The following MYO5B variants were observed in gnomAD, a reference collection of about 807,000 sequenced individuals.
MYO5B encodes unconventional myosin-Vb.
Under a neutral mutation model 229.3 loss-of-function variants are expected in MYO5B, and 143 were observed. The ratio of observed to expected loss-of-function variants is 0.62; its 90% CI spans 0.54 to 0.72. MYO5B has a LOEUF of 0.72. MYO5B is among the 30% of genes least tolerant of loss of function. The pLI is 0.00. For missense variants in MYO5B, 2,321 were observed against 2,331.0 expected (o/e 1.00, Z 0.09); for synonymous variants, 918 against 885.2 (o/e 1.04, Z -0.66).
chr18:50,043,351 T>TTA (rs1598975674), intron 2 of MYO5B, among the ~76,000 whole-genome samples: 3 of 83,280 alleles, frequency 3.6e-5, no homozygotes, highest in East Asian at 3.4e-4. Flanking sequence ...ATATTATATA[T>TTA]AATATAAATA....
intron 4 of MYO5B, among the ~76,000 whole-genome samples, chr18:50,031,672 A>C (rs1049237088): frequency 2.7e-4 from 41 of 152,200 alleles, no homozygotes; most frequent in African/African-American, 9.7e-4. Context: ...GGAAATGTAC[A>C]GGAATATGGA....
intron 4 of MYO5B, among the ~76,000 whole-genome samples, chr18:50,014,953 T>C (rs986930792): frequency 8.5e-5 from 13 of 152,300 alleles, no homozygotes; most frequent in East Asian, 1.9e-4. Flanking sequence ...TGTGTCAAAA[T>C]AGACTCAACA....
At chr18:49,915,891 G>C (rs1248873850) in intron 17 of MYO5B, among the ~76,000 whole-genome samples, 3 of 152,176 alleles carry the variant, frequency 2.0e-5, no homozygotes, top group African/African-American at 7.2e-5. Flanking sequence ...TTTAAATATA[G>C]ACACTTATCT....
chr18:49,897,642 GT>G (rs1354843830), intron 21 of MYO5B, among the ~76,000 whole-genome samples: 1 of 152,144 alleles, frequency 6.6e-6, no homozygotes, highest in South Asian at 2.1e-4. Context: ...AGTTGTACAT[GT>G]TTGTGTTTTA....
rs528748137 is a variant in MYO5B, at chr18:49,887,628, T to C, written c.3046-7173A>G. ...CCAGCACTACACTTCCTGTACAGAC[T>C]ATAGAACTGTGAGTCAATTAGACAT... is the stretch of plus-strand genomic sequence containing the variant. On this transcript the variant is annotated intron_variant, in intron 22 of 39. Transcript: ENST00000285039. Among the ~76,000 whole-genome samples, 88 of 152,278 alleles carry C rather than the reference T, an allele frequency of 5.8e-4. 1 individual carries two copies. The highest frequency in any genetic ancestry group is 2.3e-3 in the South Asian group (11 of 4,824).
chr18:49,931,415 T>C (rs138997305), intron 16 of MYO5B, among the ~76,000 whole-genome samples: 1 of 152,152 alleles, frequency 6.6e-6, no homozygotes, highest in Non-Finnish European at 1.5e-5. Flanking sequence ...TCTTCCCGAC[T>C]CCTCCAGCTC....
intron 7 of MYO5B, among the ~76,000 whole-genome samples, chr18:49,985,772 G>A (rs1053671033): frequency 2.0e-5 from 3 of 152,106 alleles, no homozygotes; most frequent in Non-Finnish European, 4.4e-5. Flanking sequence ...TCTTTTCCCT[G>A]GACCTGAGCA....
At chr18:49,938,871 C>T (rs1039426792) in intron 14 of MYO5B, among the ~76,000 whole-genome samples, 6 of 151,510 alleles carry the variant, frequency 4.0e-5, no homozygotes, top group Non-Finnish European at 8.8e-5. Context: ...CTGCCCCTCC[C>T]GTGACCCTCT....
chr18:49,969,701 T>C (rs940075518), intron 10 of MYO5B: 1 of 152,176 alleles, frequency 6.6e-6, no homozygotes, highest in African/African-American at 2.4e-5. Flanking sequence ...TTTTTAAACA[T>C]ACCATTAAAG....
intron 5 of MYO5B, among the ~76,000 whole-genome samples, chr18:49,994,940 C>T (rs2025971305): frequency 6.6e-6 from 1 of 152,196 alleles, no homozygotes; most frequent in South Asian, 2.1e-4. Context: ...TCATTTAATG[C>T]TGCCAAGAAC....
intron 22 of MYO5B, among the ~76,000 whole-genome samples, chr18:49,893,841 G>A (rs1598862887): frequency 6.6e-6 from 1 of 152,202 alleles, no homozygotes; most frequent in Non-Finnish European, 1.5e-5. Flanking sequence ...AGCTGCATGT[G>A]AAGGCTCAGG....
chr18:50,153,583 G>A (rs1445311312), intron 1 of MYO5B, among the ~76,000 whole-genome samples: 3 of 152,144 alleles, frequency 2.0e-5, no homozygotes, highest in Non-Finnish European at 2.9e-5. Flanking sequence ...CAGAATAGCT[G>A]GGACTACAGG....
chr18:50,182,420 C>A (rs1348363113), intron 1 of MYO5B, among the ~76,000 whole-genome samples: 1 of 152,068 alleles, frequency 6.6e-6, no homozygotes, highest in Non-Finnish European at 1.5e-5. Context: ...GTTAATAAAA[C>A]CTTTTGAGTT....
At chr18:50,110,106 C>G (rs558812356) in intron 1 of MYO5B, among the ~76,000 whole-genome samples, 2 of 152,234 alleles carry the variant, frequency 1.3e-5, no homozygotes, top group South Asian at 4.2e-4. Context: ...CAGGCCTGGG[C>G]ACCTGCTTTC....
intron 22 of MYO5B, among the ~76,000 whole-genome samples, chr18:49,887,788 C>T (rs1598858449): frequency 6.6e-6 from 1 of 152,184 alleles, no homozygotes; most frequent in African/African-American, 2.4e-5. Flanking sequence ...TCAAGCAATT[C>T]TCCTGCCTCA....
At chr18:50,031,897 C>G (rs576216874) in intron 4 of MYO5B, among the ~76,000 whole-genome samples, 59 of 152,296 alleles carry the variant, frequency 3.9e-4, no homozygotes, top group African/African-American at 1.3e-3. Flanking sequence ...TAATGGATCC[C>G]TATCTTGGAA....
At chr18:50,135,190 T>TA (rs2032316976) in intron 1 of MYO5B, among the ~76,000 whole-genome samples, 1 of 152,212 alleles carries the variant, frequency 6.6e-6, no homozygotes, top group Admixed American at 6.5e-5. Flanking sequence ...TCCCACTTCT[T>TA]ACTCCCTGTA....
intron 6 of MYO5B, among the ~76,000 whole-genome samples, chr18:49,990,989 T>C (rs1423696087): frequency 6.6e-6 from 1 of 151,644 alleles, no homozygotes; most frequent in Non-Finnish European, 1.5e-5. Context: ...AGGCAGGATG[T>C]CTGGGGAACA....
chr18:49,887,288 T>C (rs918350584), intron 22 of MYO5B, among the ~76,000 whole-genome samples: 10 of 152,132 alleles, frequency 6.6e-5, no homozygotes, highest in Non-Finnish European at 1.5e-4. Context: ...AGATGGCACG[T>C]TCCATTTCAG....
Sources: allele counts gnomAD v4.1 joint callset (sites outside exome capture counted in the v4.1 genomes callset), GRCh38; gene constraint gnomAD v4.1.1; transcripts MANE v1.5; gene names NCBI Gene and HGNC (gene_info 2026-07-23, HGNC 2026-07-21).